The following TRPC7 variants were observed in gnomAD, a reference collection of about 807,000 sequenced individuals.
TRPC7 encodes short transient receptor potential channel 7.
TRPC7 carries 42 observed loss-of-function variants against 90.1 expected under a neutral mutation model. The ratio of observed to expected loss-of-function variants is 0.47; its 90% CI spans 0.36 to 0.60. The LOEUF (loss-of-function observed/expected upper bound fraction) is 0.60. Among genes scored for constraint, TRPC7 ranks in the 20% least tolerant of loss-of-function variants. The probability of loss-of-function intolerance (pLI) is 0.00; values close to 1 mark genes in which losing one functional copy is unlikely to be tolerated. For missense variants in TRPC7, 955 were observed against 1,112.3 expected, an observed-to-expected ratio of 0.86 and a Z score of 2.01; for synonymous variants, 451 against 436.3, an observed-to-expected ratio of 1.03 and a Z score of -0.42.
intron 2 of TRPC7, among the ~76,000 whole-genome samples, chr5:136,347,235 G>A (rs1336170269): frequency 2.0e-5 from 3 of 152,148 alleles, no homozygotes; most frequent in Non-Finnish European, 4.4e-5. Flanking sequence ...GTGCTACTTT[G>A]TTATTGCAGC....
At chr5:136,321,622 T>A (rs982669836) in intron 2 of TRPC7, among the ~76,000 whole-genome samples, 13 of 152,160 alleles carry the variant, frequency 8.5e-5, no homozygotes, top group Admixed American at 8.5e-4. Context: ...AATGGCAATT[T>A]ACATGATTTC....
chr5:136,314,448 A>G (rs748783326), intron 3 of TRPC7: 1 of 152,240 alleles, frequency 6.6e-6, no homozygotes, highest in Non-Finnish European at 1.5e-5. Context: ...CCCAACTTCC[A>G]ACAACACTGT....
chr5:136,348,215 C>T (rs765340073), intron 2 of TRPC7, among the ~76,000 whole-genome samples: 17 of 152,238 alleles, frequency 1.1e-4, no homozygotes, highest in Non-Finnish European at 1.6e-4. Flanking sequence ...ACTTCTTACA[C>T]GGCCACTAAT....
chr5:136,279,002 T>G (rs969921827), intron 3 of TRPC7, among the ~76,000 whole-genome samples: 49 of 152,252 alleles, frequency 3.2e-4, no homozygotes, highest in African/African-American at 1.2e-3. Context: ...AGTTGCGAAC[T>G]GAGCCTTCCT....
chr5:136,266,738 A>G (rs951890717), intron 4 of TRPC7, among the ~76,000 whole-genome samples: 1 of 152,356 alleles, frequency 6.6e-6, no homozygotes, highest in South Asian at 2.1e-4. Flanking sequence ...AACTGCATGG[A>G]TATGAAAAAA....
intron 3 of TRPC7, among the ~76,000 whole-genome samples, chr5:136,284,257 C>G (rs975878119): frequency 3.3e-5 from 5 of 152,130 alleles, no homozygotes; most frequent in African/African-American, 1.2e-4. Context: ...GTTTTTTGCT[C>G]CCTTTGTCAT....
chr5:136,246,292 T>C (rs1373040619), intron 7 of TRPC7, among the ~76,000 whole-genome samples: 2 of 152,200 alleles, frequency 1.3e-5, no homozygotes, highest in African/African-American at 4.8e-5. Flanking sequence ...AGACCTGGCT[T>C]GCCCAGCCAG....
intron 6 of TRPC7, among the ~76,000 whole-genome samples, chr5:136,249,718 A>G (rs1756458932): frequency 6.6e-6 from 1 of 152,246 alleles, no homozygotes. Flanking sequence ...TAGAATGAAC[A>G]GCACTGTGAT....
chr5:136,259,559 G>A (rs530051654), intron 5 of TRPC7, among the ~76,000 whole-genome samples: 43 of 152,292 alleles, frequency 2.8e-4, no homozygotes, highest in Non-Finnish European at 4.7e-4. Context: ...GCTTCTGACC[G>A]CTTTCTGGGA....
At chr5:136,359,138 A>G (rs1760481394) in intron 1 of TRPC7, among the ~76,000 whole-genome samples, 1 of 152,150 alleles carries the variant, frequency 6.6e-6, no homozygotes, top group African/African-American at 2.4e-5. Context: ...TGGGGACTCC[A>G]TTTAGTTTTC....
In TRPC7 at chr5:136,247,215, C is replaced by A. The variant is rs1270964098; in HGVS notation, c.1844+256G>T. Reference sequence around the variant, plus strand: ...TCAAATCCTAGAAAACGTAGCATTCCTACATGTGATTTTTTTTTTTCTAAA... The same window carrying A: ...TCAAATCCTAGAAAACGTAGCATTCATACATGTGATTTTTTTTTTTCTAAA... On this transcript the variant is annotated intron_variant, in intron 7 of 11. Transcript: ENST00000513104. The surrounding 1 kb of genome is among the most constrained non-coding windows in gnomAD (Gnocchi z 4.2). 2.2e-5 allele frequency among the ~76,000 whole-genome samples: 3 copies of A among 137,292 alleles called. No homozygotes were observed. The highest frequency in any genetic ancestry group is 4.7e-5 in the Non-Finnish European group (3 of 64,098). 90.1% of individuals were successfully genotyped at this position (137,292 alleles called of 152,430 possible).
intron 5 of TRPC7, among the ~76,000 whole-genome samples, chr5:136,264,433 T>A (rs954481843): frequency 2.0e-5 from 3 of 152,172 alleles, no homozygotes; most frequent in Admixed American, 6.5e-5. Context: ...ATGCTCAATT[T>A]AGTTAAACAA....
intron 3 of TRPC7, 71 bp downstream of exon 3, chr5:136,315,526 G>C (rs1200392373): frequency 2.6e-6 from 4 of 1,535,018 alleles, no homozygotes; most frequent in Non-Finnish European, 3.6e-6. Flanking sequence ...ATAGACATGA[G>C]CAAAAAGCAA....
At chr5:136,293,403 C>T (rs760551985) in intron 3 of TRPC7, among the ~76,000 whole-genome samples, 2 of 152,190 alleles carry the variant, frequency 1.3e-5, no homozygotes, top group Non-Finnish European at 2.9e-5. Context: ...ATCGTCTGAG[C>T]CCAAAATCTC....
At position 136,356,622 on chromosome 5, in the gene TRPC7, C is replaced by G; in HGVS notation, c.766G>C (p.Glu256Gln). ...GGAAGAGTTACCTTAAATTCAGTCT[C>G]AATGTTGGCTAGTCTGGCTAACTCG... ...SNELARLANI[E>Q]TEFKNDYRKL... The change falls in exon 2 of 12, where the codon GAG becomes CAG. Residue 256 changes from glutamate (E) to glutamine (Q), a missense_variant. By Grantham distance (29) the Glu-to-Gln change is conservative. Around this residue, in one of 4 missense-constraint regions of TRPC7, gnomAD observed 484 missense variants for 509.6 expected, o/e 0.95. Coordinates refer to ENST00000513104, the MANE Select transcript of TRPC7 (RefSeq NM_020389.3). 2 of 1,535,366 alleles carry G rather than the reference C, an allele frequency of 1.3e-6. No homozygotes were observed. The highest frequency in any genetic ancestry group is 1.8e-6 in the Non-Finnish European group (2 of 1,140,892).
intron 1 of TRPC7, among the ~76,000 whole-genome samples, chr5:136,361,663 T>G (rs10515479): frequency 0.047 from 7,084 of 152,238 alleles, 186 homozygotes; most frequent in Non-Finnish European, 0.07. Flanking sequence ...GCATCAAAAT[T>G]CTCTATGGAA....
intron 2 of TRPC7, among the ~76,000 whole-genome samples, chr5:136,323,488 AC>A (rs1759259165): frequency 6.6e-6 from 1 of 152,154 alleles, no homozygotes; most frequent in Non-Finnish European, 1.5e-5. Context: ...TAGGTCTACC[AC>A]CCATTTTGTG....
chr5:136,218,150 T>TATATATAAAATATATAATATATATCTC (rs1755336404), intron 10 of TRPC7, among the ~76,000 whole-genome samples: 1 of 146,080 alleles, frequency 6.8e-6, no homozygotes, highest in Non-Finnish European at 1.5e-5. Flanking sequence ...ATATTTGAGA[T>TATATATAAAATATATAATATATATCTC]ATATATAAAA....
chr5:136,238,153 G>A (rs376491034), intron 7 of TRPC7, among the ~76,000 whole-genome samples: 35 of 152,280 alleles, frequency 2.3e-4, no homozygotes, highest in African/African-American at 7.5e-4. Flanking sequence ...TGTGCTCCAC[G>A]AGACCTTCTT....
Sources: allele counts gnomAD v4.1 joint callset (sites outside exome capture counted in the v4.1 genomes callset), GRCh38; gene constraint gnomAD v4.1.1; regional missense constraint gnomAD v4.1.1; non-coding constraint Gnocchi (gnomAD v3.1); transcripts MANE v1.5; gene names NCBI Gene and HGNC (gene_info 2026-07-23, HGNC 2026-07-21).